MGMT: variants seen among roughly 807,000 people sequenced by gnomAD.
The protein encoded by MGMT is O-6-methylguanine-DNA methyltransferase.
Under a neutral mutation model 15.9 loss-of-function variants are expected in MGMT, and 14 were observed. The observed-to-expected ratio is 0.88, with a 90% CI of 0.58 to 1.37. The LOEUF (loss-of-function observed/expected upper bound fraction) is 1.37. Ranked by LOEUF, MGMT falls within the 40% of genes most tolerant of loss-of-function variation. The probability of loss-of-function intolerance (pLI) is 0.00; values close to 1 mark genes in which losing one functional copy is unlikely to be tolerated. For synonymous variants in MGMT, 130 were observed against 118.2 expected, an observed-to-expected ratio of 1.10 and a Z score of -0.65; for missense variants, 282 against 268.1, an observed-to-expected ratio of 1.05 and a Z score of -0.36.
chr10:129,478,801 G>GA (rs1845324646), intron 1 of MGMT, among the ~76,000 whole-genome samples: 1 of 152,196 alleles, frequency 6.6e-6, no homozygotes, highest in South Asian at 2.1e-4. Context: ...CTGGCTTGGG[G>GA]AATGTGTTCT....
intron 1 of MGMT, among the ~76,000 whole-genome samples, chr10:129,509,353 C>T: frequency 6.6e-6 from 1 of 152,162 alleles, no homozygotes; most frequent in East Asian, 1.9e-4. Flanking sequence ...TTGCACCTTC[C>T]ACGCCCAGCA....
In MGMT at chr10:129,617,817, A is replaced by G. The variant is rs183198657; in HGVS notation, c.125+81440A>G. 3.0e-4 allele frequency among the ~76,000 whole-genome samples: 45 copies of G among 151,918 alleles called. No individual in the cohort carries two copies. The South Asian group carries it at 4.4e-3, about 15-fold the overall frequency. On this transcript the variant is annotated intron_variant, in intron 2 of 4. Coordinates refer to ENST00000651593, the MANE Select transcript of MGMT (RefSeq NM_002412.5). ...GCTTGTTAATTTGTTTAAGTTCTTTATGGTTTCTGGGTATTAGACCTTTGG... is the reference window on the plus strand; with the variant it reads ...GCTTGTTAATTTGTTTAAGTTCTTTGTGGTTTCTGGGTATTAGACCTTTGG...
chr10:129,568,344 G>T (rs2119816870), intron 2 of MGMT, among the ~76,000 whole-genome samples: 1 of 152,316 alleles, frequency 6.6e-6, no homozygotes, highest in South Asian at 2.1e-4. Flanking sequence ...GGACCTGGGG[G>T]TCTCCTTGTG....
intron 3 of MGMT, among the ~76,000 whole-genome samples, chr10:129,723,949 G>C (rs1848404175): frequency 6.6e-6 from 1 of 152,162 alleles, no homozygotes; most frequent in Admixed American, 6.5e-5. Flanking sequence ...TAACCTCTTT[G>C]CAAAAGGTCT....
Position 129,568,316 on chromosome 10 carries a change from G to A in MGMT, c.125+31939G>A, listed in dbSNP as rs936129528. Among the ~76,000 whole-genome samples the A allele has an allele frequency of 2.0e-5, 3 of 152,322 alleles. No homozygotes were observed. The South Asian group carries it at 6.2e-4, about 32-fold the overall frequency. On this transcript the variant is annotated intron_variant, in intron 2 of 4. Transcript: ENST00000651593. ...ACAGGGGAGCAGGTTTACAGCTCAGGACACTGGGGTGCCACGGGGACCTGG... is the reference window on the plus strand; with the variant it reads ...ACAGGGGAGCAGGTTTACAGCTCAGAACACTGGGGTGCCACGGGGACCTGG...
intron 1 of MGMT, among the ~76,000 whole-genome samples, chr10:129,482,793 G>T (rs1275336712): frequency 6.6e-6 from 1 of 152,096 alleles, no homozygotes; most frequent in Non-Finnish European, 1.5e-5. Context: ...TACATTTAAT[G>T]TGTGTTTCTT....
intron 2 of MGMT, among the ~76,000 whole-genome samples, chr10:129,607,479 T>C (rs1846905886): frequency 6.6e-6 from 1 of 152,170 alleles, no homozygotes; most frequent in Non-Finnish European, 1.5e-5. Flanking sequence ...GTGTTTGTGT[T>C]TTGCTTTGTT....
intron 1 of MGMT, among the ~76,000 whole-genome samples, chr10:129,479,409 A>C (rs1237559795): frequency 2.0e-5 from 3 of 151,522 alleles, no homozygotes; most frequent in African/African-American, 7.3e-5. Context: ...TTTCATCTTG[A>C]CCAAAAATCT....
At chr10:129,650,527 G>A (rs1383196414) in intron 2 of MGMT, among the ~76,000 whole-genome samples, 5 of 152,106 alleles carry the variant, frequency 3.3e-5, no homozygotes, top group South Asian at 2.1e-4. Context: ...GCGCATGAAC[G>A]GAGAAAACCC....
chr10:129,701,371 G>C (rs1848097742), intron 2 of MGMT: 1 of 152,194 alleles, frequency 6.6e-6, no homozygotes. Context: ...TCCCCATCTG[G>C]AGTGTCCCAC....
intron 2 of MGMT, among the ~76,000 whole-genome samples, chr10:129,573,673 C>T (rs1846445528): frequency 6.6e-6 from 1 of 151,972 alleles, no homozygotes; most frequent in Non-Finnish European, 1.5e-5. Flanking sequence ...GCTAACTAAC[C>T]AACTTTTTCA....
chr10:129,579,491 C>T (rs534102845), intron 2 of MGMT, among the ~76,000 whole-genome samples: 6 of 152,372 alleles, frequency 3.9e-5, no homozygotes, highest in Admixed American at 6.5e-5. Flanking sequence ...GGGGTTTTCC[C>T]ATGCTCCGTG....
At chr10:129,526,757 T>G (rs1845875183) in intron 1 of MGMT, among the ~76,000 whole-genome samples, 1 of 152,176 alleles carries the variant, frequency 6.6e-6, no homozygotes, top group African/African-American at 2.4e-5. Context: ...GAAGGACGGT[T>G]TTTAGACCTG....
chr10:129,545,350 G>A (rs1171975882), intron 2 of MGMT, among the ~76,000 whole-genome samples: 1 of 152,208 alleles, frequency 6.6e-6, no homozygotes, highest in African/African-American at 2.4e-5. Context: ...GGGGGCCTGA[G>A]TGCCAGTGTC....
At chr10:129,738,935 A>G (rs1465017964) in intron 3 of MGMT, among the ~76,000 whole-genome samples, 1 of 152,232 alleles carries the variant, frequency 6.6e-6, no homozygotes, top group African/African-American at 2.4e-5. Flanking sequence ...ATCCAGCAGC[A>G]CATCAAAAAG....
intron 1 of MGMT, among the ~76,000 whole-genome samples, chr10:129,525,393 T>C (rs1845858047): frequency 6.6e-6 from 1 of 152,220 alleles, no homozygotes; most frequent in Non-Finnish European, 1.5e-5. Context: ...GATGTCCGTC[T>C]GCTTCTGGGA....
rs367577323 is a variant in MGMT, at chr10:129,582,315, TGTC to T, written c.125+45939_125+45941del. 4.7e-3 allele frequency among the ~76,000 whole-genome samples: 715 copies of T among 152,332 alleles called. 5 individuals are homozygous for T. Among genetic ancestry groups the T allele is most frequent in the African/African-American group, 0.016 (677 of 41,580 alleles). The stretch of plus-strand genomic sequence containing the variant: ...ACAAGCCGTTGAGAGTGTGCTCTGT[TGTC>T]AGTGAATTAGTTCAGAGAGTCCCTC... On this transcript the variant is annotated intron_variant, in intron 2 of 4. Coordinates refer to ENST00000651593, the MANE Select transcript of MGMT (RefSeq NM_002412.5).
At chr10:129,701,433 C>T (rs1472630704) in intron 2 of MGMT, 1 of 152,066 alleles carries the variant, frequency 6.6e-6, no homozygotes, top group African/African-American at 2.4e-5. Flanking sequence ...GACTCTTGGC[C>T]GATTTTCTTA....
chr10:129,639,245 A>G (rs951855463), intron 2 of MGMT, among the ~76,000 whole-genome samples: 2 of 152,176 alleles, frequency 1.3e-5, no homozygotes, highest in African/African-American at 4.8e-5. Context: ...TTAGCATTAG[A>G]TGATGTATAT....
Sources: allele counts gnomAD v4.1 joint callset (sites outside exome capture counted in the v4.1 genomes callset), GRCh38; gene constraint gnomAD v4.1.1; transcripts MANE v1.5; gene names NCBI Gene and HGNC (gene_info 2026-07-23, HGNC 2026-07-21).